ECE2: variants seen among roughly 807,000 people sequenced by gnomAD.
The protein encoded by ECE2 is endothelin converting enzyme 2, also known as endothelin-converting enzyme 2.
A neutral mutation model predicts 100.6 loss-of-function variants in ECE2; 81 were observed. The observed-to-expected ratio is 0.81, with a 90% CI of 0.67 to 0.97. The LOEUF (loss-of-function observed/expected upper bound fraction) is 0.97, where lower values mean the gene tolerates loss of function less well. Among genes scored for constraint, ECE2 ranks in the 50% least tolerant of loss-of-function variants. The pLI is 0.00. For synonymous variants in ECE2, 391 were observed against 391.5 expected (o/e 1.00, Z 0.02); for missense variants, 911 against 988.1 (o/e 0.92, Z 1.05).
At chr3:184,276,676 T>C in intron 2 of ECE2, 109 bp downstream of exon 2, 1 of 1,558,224 alleles carries the variant, frequency 6.4e-7, no homozygotes, top group Non-Finnish European at 8.7e-7. Flanking sequence ...CCACCTCCGC[T>C]CCATCTCTGG....
chr3:184,285,621 CT>C (rs768701210), intron 10 of ECE2, 29 bp downstream of exon 10: 13 of 1,497,374 alleles, frequency 8.7e-6, no homozygotes, highest in Non-Finnish European at 1.1e-5. Flanking sequence ...CCTCCACGTT[CT>C]GATCCAGTCT....
intron 7 of ECE2, among the ~76,000 whole-genome samples, chr3:184,283,097 AG>A (rs1720874004): frequency 6.6e-6 from 1 of 152,164 alleles, no homozygotes; most frequent in Non-Finnish European, 1.5e-5. Context: ...GGAAATGAGA[AG>A]GCAAAGCAGT....
At position 184,291,442 on chromosome 3, in the gene ECE2, A is replaced by G; in HGVS notation, c.2121+3A>G. 1.9e-6 allele frequency: 3 copies of G among 1,577,992 alleles called. No homozygotes were observed. Among genetic ancestry groups the G allele is most frequent in the South Asian group, 2.4e-5 (2 of 84,220 alleles). ...TCTTCTTCGTGGGATTTGCCCAGGTATCACCCTCTCGGAAGGCCTGGGGTC... is the reference window on the plus strand; with the variant it reads ...TCTTCTTCGTGGGATTTGCCCAGGTGTCACCCTCTCGGAAGGCCTGGGGTC... On this transcript the variant is annotated splice_donor_region_variant and intron_variant, in intron 18 of 18. Coordinates refer to ENST00000404464, the MANE Select transcript of ECE2 (RefSeq NM_001100121.2). The surrounding 1 kb of genome is among the most constrained non-coding windows in gnomAD (Gnocchi z 4.1).
At chr3:184,284,023 T>C (rs535052595) in intron 8 of ECE2, 50 bp downstream of exon 8, 1 of 1,599,380 alleles carries the variant, frequency 6.3e-7, no homozygotes, top group African/African-American at 1.3e-5. Flanking sequence ...AGCCTTGGCA[T>C]GGACCACCCA....
intron 14 of ECE2, 97 bp from the exon 15 acceptor site, chr3:184,290,460 C>A (rs186079967): frequency 5.2e-6 from 8 of 1,551,028 alleles, no homozygotes; most frequent in Middle Eastern, 3.4e-4. Flanking sequence ...CCCAGACCGG[C>A]GGCCCCATAC....
At position 184,276,530 on chromosome 3, in the gene ECE2, C is replaced by CCCCCGTAGAGGG. The variant is rs1287268439; in HGVS notation, c.91_102dup (p.Pro31_Gly34dup). 1 of 1,611,582 alleles carries CCCCCGTAGAGGG rather than the reference C, an allele frequency of 6.2e-7. No individual in the cohort carries two copies. Among genetic ancestry groups the CCCCCGTAGAGGG allele is most frequent in the South Asian group, 1.1e-5 (1 of 90,742 alleles). ...CTTCGGGATGAAGACGCACCCGAGACCCCCGTAGAGGGCGGGGCCTCCCCG... is the reference window on the plus strand; with the variant it reads ...CTTCGGGATGAAGACGCACCCGAGACCCCCGTAGAGGGCCCCGTAGAGGGCGGGGCCTCCCCG... On this transcript the variant is annotated inframe_insertion, in exon 2 of 19. Transcript: ENST00000404464.
At position 184,292,363 on chromosome 3, in the gene ECE2, A is replaced by C; in HGVS notation, c.*125A>C. On this transcript the variant is annotated 3_prime_UTR_variant, in exon 19 of 19. Coordinates refer to ENST00000404464, the MANE Select transcript of ECE2 (RefSeq NM_001100121.2). ...GGGCTGGGTCTAGTCCCTCCCCCCC[A>C]CAGGTGACATGAGTACAGACCCTCC... The C allele has an allele frequency of 1.8e-6, 2 of 1,132,274 alleles. No individual in the cohort carries two copies. Among genetic ancestry groups the C allele is most frequent in the Non-Finnish European group, 2.5e-6 (2 of 788,152 alleles). The allele number at this position is 1,132,274 out of a possible 1,614,324, so 70.1% of individuals were successfully genotyped here.
rs567571753 is a variant in ECE2, at chr3:184,289,291, A to G, written c.1375-146A>G. The stretch of plus-strand genomic sequence containing the variant: ...CCTTTACAAATGGTGTTTCCTTCTC[A>G]TCGTCTCCAGGTGCTCAGCCGTATT... On this transcript the variant is annotated intron_variant, in intron 11 of 18. Coordinates refer to ENST00000404464, the MANE Select transcript of ECE2 (RefSeq NM_001100121.2). This position sits in a 1 kb window ranked among gnomAD's most constrained non-coding sequence, Gnocchi z 4.1. The G allele has an allele frequency of 3.0e-6, 2 of 676,754 alleles. No individual in the cohort carries two copies. Among genetic ancestry groups the G allele is most frequent in the South Asian group, 4.0e-5 (2 of 49,428 alleles). The allele number at this position is 676,754 out of a possible 1,614,324, so 41.9% of individuals were successfully genotyped here. A position where few individuals can be genotyped will look rare whatever the true frequency, so the allele number is the denominator to read the frequency against.
In ECE2 at chr3:184,289,799, C is replaced by T. The variant is rs559809059; in HGVS notation, c.1551+81C>T. 21 of 1,286,978 alleles carry T rather than the reference C, an allele frequency of 1.6e-5. No individual in the cohort carries two copies. The African/African-American group carries it at 2.8e-4, about 17-fold the overall frequency. 79.7% of individuals were successfully genotyped at this position (1,286,978 alleles called of 1,614,324 possible). On this transcript the variant is annotated intron_variant, in intron 13 of 18. Transcript: ENST00000404464. The surrounding 1 kb of genome is among the most constrained non-coding windows in gnomAD (Gnocchi z 4.1). ...CTGGGCTTAGAAATTGGGGCTCAAGCACTGGGAAAGAGGTGCTTGTCGGTT... is the reference window on the plus strand; with the variant it reads ...CTGGGCTTAGAAATTGGGGCTCAAGTACTGGGAAAGAGGTGCTTGTCGGTT...
At chr3:184,276,629 C>T in intron 2 of ECE2, 62 bp downstream of exon 2, 1 of 1,584,420 alleles carries the variant, frequency 6.3e-7, no homozygotes, top group Non-Finnish European at 8.6e-7. Context: ...CCTGGCACAC[C>T]CAGGAGCTCT....
At position 184,291,915 on chromosome 3, in the gene ECE2, G is replaced by A. The variant is rs1442499622; in HGVS notation, c.2122-147G>A. 2.9e-5 allele frequency: 25 copies of A among 873,816 alleles called. No homozygotes were observed. Among genetic ancestry groups the A allele is most frequent in the Non-Finnish European group, 3.7e-5 (21 of 575,208 alleles). 54.1% of individuals were successfully genotyped at this position (873,816 alleles called of 1,614,324 possible). A position where few individuals can be genotyped will look rare whatever the true frequency, so the allele number is the denominator to read the frequency against. On this transcript the variant is annotated intron_variant, in intron 18 of 18. Coordinates refer to ENST00000404464, the MANE Select transcript of ECE2 (RefSeq NM_001100121.2). This position sits in a 1 kb window ranked among gnomAD's most constrained non-coding sequence, Gnocchi z 4.1. ...TTTTCCCCTCGTCATGTCCATGCTGGGCAACCCGATGTCCAGGGCAGTTTT... is the reference window on the plus strand; with the variant it reads ...TTTTCCCCTCGTCATGTCCATGCTGAGCAACCCGATGTCCAGGGCAGTTTT...
At chr3:184,280,781 C>G (rs992353708) in intron 7 of ECE2, among the ~76,000 whole-genome samples, 11 of 151,880 alleles carry the variant, frequency 7.2e-5, no homozygotes, top group Non-Finnish European at 1.5e-4. Flanking sequence ...GAGTTTGAAA[C>G]CAGCCTGACT....
In ECE2 at chr3:184,284,169, C is replaced by T. The variant is rs149484704; in HGVS notation, c.1005+196C>T. 5.2e-3 allele frequency among the ~76,000 whole-genome samples: 799 copies of T among 152,208 alleles called. 11 individuals carry two copies. The highest frequency in any genetic ancestry group is 0.027 in the Admixed American group (417 of 15,262). On this transcript the variant is annotated intron_variant, in intron 8 of 18. Transcript: ENST00000404464. ...TTAGGCCACCTCTCACTGGGTCATC[C>T]TTTGGTCCCTTTCTTGCCTGGGGAT...
At chr3:184,284,044 A>T (rs368552631) in intron 8 of ECE2, 71 bp downstream of exon 8, 1 of 1,561,404 alleles carries the variant, frequency 6.4e-7, no homozygotes. Context: ...GCTTCCCTCC[A>T]TGCCATCTCC....
Position 184,292,096 on chromosome 3 carries a change from AC to A in ECE2, c.2157del (p.His719GlnfsTer5), listed in dbSNP as rs1211308612. The A allele has an allele frequency of 3.1e-6, 5 of 1,613,816 alleles. No individual in the cohort carries two copies. In the Admixed American group the frequency reaches 6.7e-5, roughly 22 times the overall value. ...TCGGTCCGCACACCAGAGAGCTCTC[AC>A]GAGGGGCTGGTGACCGACCCCCACA... is the stretch of plus-strand genomic sequence containing the variant. ...WCSVRTPESS[H>X]EGLVTDPHSP... On this transcript the variant is annotated frameshift_variant, in exon 19 of 19. Transcript: ENST00000404464. LOFTEE classifies it high-confidence loss of function.
chr3:184,291,762 A>G lies in ECE2; in HGVS notation c.2122-300A>G, dbSNP rs896552876. On this transcript the variant is annotated intron_variant, in intron 18 of 18. Transcript: ENST00000404464. This position sits in a 1 kb window ranked among gnomAD's most constrained non-coding sequence, Gnocchi z 4.1. ...CGCTGTTCCTGTGAGGGAGACATGCAGGAAACGAAAGCTCGGGACGCAGAG... is the reference window on the plus strand; with the variant it reads ...CGCTGTTCCTGTGAGGGAGACATGCGGGAAACGAAAGCTCGGGACGCAGAG... 9 of 513,338 alleles carry G rather than the reference A, an allele frequency of 1.8e-5. No individual in the cohort carries two copies. The highest frequency in any genetic ancestry group is 5.7e-5 in the African/African-American group (3 of 52,512). 31.8% of individuals were successfully genotyped at this position (513,338 alleles called of 1,614,324 possible).
intron 10 of ECE2, 97 bp downstream of exon 10, chr3:184,285,689 T>C: frequency 1.1e-6 from 1 of 909,392 alleles, no homozygotes; most frequent in East Asian, 2.4e-5. Flanking sequence ...GGTGCACAGG[T>C]GCATAGTATG....
intron 3 of ECE2, 21 bp from the exon 4 acceptor site, chr3:184,277,230 C>A (rs757600918): frequency 6.2e-7 from 1 of 1,613,800 alleles, no homozygotes; most frequent in Non-Finnish European, 8.5e-7. Context: ...TCCTACCCTC[C>A]GGCCATGTTC....
chr3:184,290,315 A>C lies in ECE2; in HGVS notation c.1612A>C (p.Lys538Gln), dbSNP rs765130356. ...GTTGAATTTGTACAACTTCTCTGCC[A>C]AGGTTATGGCTGACCAGCTCCGCAA... ...NMLNLYNFSA[K>Q]VMADQLRKPP... The change falls in exon 14 of 19, where the codon AAG becomes CAG. Residue 538 changes from lysine (K) to glutamine (Q), a missense_variant. Lys to Gln is a moderately conservative substitution (Grantham distance 53). Coordinates refer to ENST00000404464, the MANE Select transcript of ECE2 (RefSeq NM_001100121.2). 1.2e-6 allele frequency: 2 copies of C among 1,614,134 alleles called. No homozygotes were observed. The highest frequency in any genetic ancestry group is 1.7e-6 in the Non-Finnish European group (2 of 1,180,012).
Sources: allele counts gnomAD v4.1 joint callset (sites outside exome capture counted in the v4.1 genomes callset), GRCh38; gene constraint gnomAD v4.1.1; non-coding constraint Gnocchi (gnomAD v3.1); transcripts MANE v1.5; gene names NCBI Gene and HGNC (gene_info 2026-07-23, HGNC 2026-07-21).